CLASP1: variants seen among roughly 807,000 people sequenced by gnomAD.
The protein encoded by CLASP1 is cytoplasmic linker associated protein 1.
Under a neutral mutation model 192.3 loss-of-function variants are expected in CLASP1, and 38 were observed. The observed-to-expected ratio is 0.20, with a 90% CI of 0.15 to 0.26. CLASP1 has a LOEUF of 0.26. CLASP1 is among the 10% of genes least tolerant of loss of function. CLASP1 has a pLI of 1.00. For missense variants in CLASP1, 1,433 were observed against 1,932.5 expected, an observed-to-expected ratio of 0.74 and a Z score of 4.85; for synonymous variants, 691 against 712.8, an observed-to-expected ratio of 0.97 and a Z score of 0.49.
At chr2:121,378,705 C>A (rs1223778134) in intron 33 of CLASP1, among the ~76,000 whole-genome samples, 1 of 152,048 alleles carries the variant, frequency 6.6e-6, no homozygotes, top group Non-Finnish European at 1.5e-5. Context: ...CAGATGAATT[C>A]GTCTAATTTA....
intron 11 of CLASP1, among the ~76,000 whole-genome samples, chr2:121,460,605 T>C (rs1290191028): frequency 1.3e-5 from 2 of 152,172 alleles, no homozygotes; most frequent in African/African-American, 4.8e-5. Context: ...ATGGCAATTG[T>C]ACCACTTCTC....
intron 7 of CLASP1, among the ~76,000 whole-genome samples, chr2:121,503,510 T>C (rs2093830006): frequency 6.6e-6 from 1 of 152,228 alleles, no homozygotes; most frequent in Non-Finnish European, 1.5e-5. Context: ...ATTCTAGCCC[T>C]GAGAGTAGTA....
intron 34 of CLASP1, 49 bp downstream of exon 35, chr2:121,377,450 T>A (rs2070515709): frequency 1.5e-6 from 2 of 1,361,766 alleles, no homozygotes; most frequent in African/African-American, 2.9e-5. Context: ...AGTCTCATTA[T>A]CTGTCATTTA....
At chr2:121,427,554 C>G in intron 20 of CLASP1, 124 bp from the exon 21 acceptor site, 1 of 924,022 alleles carries the variant, frequency 1.1e-6, no homozygotes, top group Non-Finnish European at 1.7e-6. Flanking sequence ...AGCAAAACAG[C>G]TATATTTCCT....
intron 19 of CLASP1, among the ~76,000 whole-genome samples, chr2:121,441,296 A>G (rs921832880): frequency 4.6e-5 from 7 of 152,326 alleles, no homozygotes; most frequent in Middle Eastern, 3.4e-3. Context: ...TTTGGCATAC[A>G]TATCTGCTGT....
chr2:121,463,268 G>T (rs187510998), intron 9 of CLASP1, among the ~76,000 whole-genome samples: 8 of 152,122 alleles, frequency 5.3e-5, no homozygotes, highest in Non-Finnish European at 1.2e-4. Flanking sequence ...TGTAAAAATT[G>T]GTATCTATAG....
rs1319187903 is a variant in CLASP1, at chr2:121,468,082, G to A, written c.865+1726C>T. ...ATTGCTTGTTTTTATCAGGTTTGTC[G>A]AAGATCAGATGGTTGTAGTCGTGGG... On this transcript the variant is annotated intron_variant, in intron 9 of 39. Coordinates refer to ENST00000263710, the Ensembl canonical transcript of CLASP1. 5.3e-5 allele frequency among the ~76,000 whole-genome samples: 8 copies of A among 152,200 alleles called. No homozygotes were observed. The East Asian group carries it at 9.7e-4, about 18-fold the overall frequency.
intron 2 of CLASP1, among the ~76,000 whole-genome samples, chr2:121,591,670 A>G (rs957805012): frequency 6.6e-6 from 1 of 152,174 alleles, no homozygotes; most frequent in East Asian, 1.9e-4. Flanking sequence ...TATCTCTATT[A>G]AGGACGCCTG....
chr2:121,531,096 C>G (rs1045633617), intron 2 of CLASP1: 12 of 652,316 alleles, frequency 1.8e-5, no homozygotes, highest in Non-Finnish European at 8.5e-6. Flanking sequence ...GTAGAGGGTG[C>G]ACAAGACGCG....
At chr2:121,490,182 A>G in intron 8 of CLASP1, 1 of 373,050 alleles carries the variant, frequency 2.7e-6, no homozygotes, top group Non-Finnish European at 5.3e-6. Flanking sequence ...CATGATTTTT[A>G]GTTACCACAG....
rs541192337 is a variant in CLASP1, at chr2:121,372,144, T to TA, written c.3643-4314dup. ...AATGTGTATTTTATATCTTTTAGGT[T>TA]AAAATAGAACATTTAATGTGGATAA... On this transcript the variant is annotated intron_variant, in intron 34 of 39. Coordinates refer to ENST00000263710, the Ensembl canonical transcript of CLASP1. 5.2e-3 allele frequency among the ~76,000 whole-genome samples: 796 copies of TA among 152,386 alleles called. 9 individuals are homozygous for TA. The highest frequency in any genetic ancestry group is 6.3e-3 in the Non-Finnish European group (432 of 68,032).
At chr2:121,530,413 CCGGCCCAGA>C (rs2094742319) in intron 2 of CLASP1, 88 bp from the exon 3 acceptor site, 1 of 991,442 alleles carries the variant, frequency 1.0e-6, no homozygotes, top group African/African-American at 1.6e-5. Context: ...CTAGACATTT[CCGGCCCAGA>C]CGCAGTCCGA....
At chr2:121,588,859 T>C (rs927884937) in intron 2 of CLASP1, among the ~76,000 whole-genome samples, 5 of 152,228 alleles carry the variant, frequency 3.3e-5, no homozygotes, top group Non-Finnish European at 7.3e-5. Flanking sequence ...TGGCACTCCT[T>C]GCCCTGTCCC....
intron 2 of CLASP1, among the ~76,000 whole-genome samples, chr2:121,574,487 T>C (rs1227965805): frequency 6.6e-6 from 1 of 150,596 alleles, no homozygotes; most frequent in Admixed American, 6.6e-5. Flanking sequence ...ATACAAAAAT[T>C]AGCTGAGCGT....
At chr2:121,443,861 T>C (rs2083820651) in intron 19 of CLASP1, among the ~76,000 whole-genome samples, 1 of 152,228 alleles carries the variant, frequency 6.6e-6, no homozygotes, top group Admixed American at 6.5e-5. Context: ...ATTCCTATCT[T>C]TCTTTTATGA....
At chr2:121,394,015 CCTT>C (rs756909254) in intron 30 of CLASP1, among the ~76,000 whole-genome samples, 4 of 152,110 alleles carry the variant, frequency 2.6e-5, no homozygotes, top group Non-Finnish European at 5.9e-5. Context: ...ACTATGGAAG[CCTT>C]CTGCCAACCC....
In CLASP1 at chr2:121,469,932, C is replaced by T. The variant is rs372168310; in HGVS notation, c.741G>A (p.Val247=). The T allele has an allele frequency of 1.4e-3, 2,325 of 1,610,982 alleles. 41 individuals carry two copies. In the South Asian group the frequency reaches 0.019, roughly 13 times the overall value. ...TAGCAGAGGAAGGTCTGTTACCATC[C>T]ACAGAATCTTCATCGTCGAAATTTT... The change falls in exon 9 of 40, where the codon GTG becomes GTA. Residue 247 remains valine (V), a synonymous_variant. Transcript: ENST00000263710.
chr2:121,630,381 A>AACACACACACAC (rs60827939), intron 1 of CLASP1, among the ~76,000 whole-genome samples: 29 of 139,066 alleles, frequency 2.1e-4, no homozygotes, highest in African/African-American at 7.0e-4. Context: ...ATTGGAAAGA[A>AACACACACACAC]ACACACACAC....
chr2:121,420,311 A>G (rs1012219439), intron 22 of CLASP1, among the ~76,000 whole-genome samples: 1 of 152,214 alleles, frequency 6.6e-6, no homozygotes, highest in Non-Finnish European at 1.5e-5. Flanking sequence ...ATGACATTCT[A>G]AACAGCTCCT....
Sources: gnomAD v4.1 joint callset for allele counts (sites outside exome capture counted in the v4.1 genomes callset) on GRCh38, gnomAD v4.1.1 for gene constraint, MANE v1.5 for transcripts, NCBI Gene and HGNC (gene_info 2026-07-23, HGNC 2026-07-21) for gene names.